WIPF2: variants seen among roughly 807,000 people sequenced by gnomAD.
WIPF2 encodes the protein WAS/WASL-interacting protein family member 2.
A neutral mutation model predicts 38.8 loss-of-function variants in WIPF2; 23 were observed. The ratio of observed to expected loss-of-function variants is 0.59; its 90% CI spans 0.43 to 0.84. WIPF2 has a LOEUF of 0.84. WIPF2 is among the 40% of genes least tolerant of loss of function. The pLI, the probability that WIPF2 is intolerant of heterozygous loss-of-function variation, is 0.00. For missense variants in WIPF2, 574 were observed against 580.5 expected (o/e 0.99, Z 0.11); for synonymous variants, 210 against 223.2 (o/e 0.94, Z 0.53).
chr17:40,246,141 C>T (rs542870660), intron 1 of WIPF2, among the ~76,000 whole-genome samples: 3 of 149,454 alleles, frequency 2.0e-5, no homozygotes, highest in African/African-American at 7.4e-5. Context: ...GGCTGGAGTG[C>T]AGTGGCGTGA....
intron 1 of WIPF2, 72 bp downstream of exon 1, chr17:40,219,564 C>A (rs897060447): frequency 1.5e-5 from 1 of 64,910 alleles, no homozygotes; most frequent in African/African-American, 5.9e-5. Context: ...GGGAAAGTCG[C>A]GGGGAGGGGG....
intron 1 of WIPF2, among the ~76,000 whole-genome samples, chr17:40,243,906 T>G (rs1290812906): frequency 6.6e-6 from 1 of 152,172 alleles, no homozygotes; most frequent in African/African-American, 2.4e-5. Flanking sequence ...ATAGTTGAAT[T>G]TCTGTGATGA....
intron 2 of WIPF2, among the ~76,000 whole-genome samples, chr17:40,258,361 A>G (rs2031795349): frequency 6.6e-6 from 1 of 152,018 alleles, no homozygotes; most frequent in South Asian, 2.1e-4. Flanking sequence ...TGGGAGGCCG[A>G]GGCGGGCAGA....
At chr17:40,223,673 C>T (rs1308581731) in intron 1 of WIPF2, among the ~76,000 whole-genome samples, 1 of 146,160 alleles carries the variant, frequency 6.8e-6, no homozygotes, top group African/African-American at 2.5e-5. Context: ...GATCTCTGCT[C>T]ACTGCAACCT....
chr17:40,254,566 A>G (rs1379836254), intron 1 of WIPF2, among the ~76,000 whole-genome samples: 1 of 152,122 alleles, frequency 6.6e-6, no homozygotes, highest in African/African-American at 2.4e-5. Context: ...CTTGCAGACT[A>G]TAATAGAGGG....
At chr17:40,231,193 TAAGAG>T in intron 1 of WIPF2, among the ~76,000 whole-genome samples, 1 of 152,292 alleles carries the variant, frequency 6.6e-6, no homozygotes, top group Non-Finnish European at 1.5e-5. Context: ...TATTAGAATG[TAAGAG>T]AAGAGACTCC....
intron 1 of WIPF2, among the ~76,000 whole-genome samples, chr17:40,236,462 C>T (rs925831186): frequency 1.3e-5 from 2 of 151,366 alleles, no homozygotes; most frequent in Admixed American, 6.6e-5. Context: ...CTCAGCCTCC[C>T]GAGTAGCTGG....
At chr17:40,225,685 A>ATC (rs1238322384) in intron 1 of WIPF2, among the ~76,000 whole-genome samples, 1 of 151,830 alleles carries the variant, frequency 6.6e-6, no homozygotes, top group Non-Finnish European at 1.5e-5. Flanking sequence ...TTGAGACAGG[A>ATC]TCTCTCTCTC....
chr17:40,253,869 T>C (rs1038049339), intron 1 of WIPF2, among the ~76,000 whole-genome samples: 2 of 152,214 alleles, frequency 1.3e-5, no homozygotes, highest in African/African-American at 2.4e-5. Flanking sequence ...TTTGGTTTTA[T>C]AGAACTGTTG....
rs774875261 is a variant in WIPF2 at position 40,222,507 on chromosome 17, T to TCAA, written c.-70+3037_-70+3039dup. 4.4e-4 allele frequency among the ~76,000 whole-genome samples: 66 copies of TCAA among 149,498 alleles called. 1 individual carries two copies. Among genetic ancestry groups the TCAA allele is most frequent in the South Asian group, 1.1e-3 (5 of 4,650 alleles). On this transcript the variant is annotated intron_variant, in intron 1 of 7. Coordinates refer to ENST00000323571, the MANE Select transcript of WIPF2 (RefSeq NM_133264.5). ...TGGGCAACAAGAGCGAAACTCCACC[T>TCAA]CAACAACAACAACAACAACAACAAA...
intron 5 of WIPF2, 110 bp from the exon 6 acceptor site, chr17:40,273,680 C>A: frequency 1.5e-6 from 1 of 685,840 alleles, no homozygotes; most frequent in Non-Finnish European, 2.6e-6. Context: ...GGGAACCAGG[C>A]ACTGTGAGCC....
chr17:40,248,229 A>G (rs1162069585), intron 1 of WIPF2, among the ~76,000 whole-genome samples: 2 of 134,180 alleles, frequency 1.5e-5, no homozygotes, highest in Non-Finnish European at 3.0e-5. Context: ...CTGTTGCACA[A>G]TCTTGGCTCA....
In WIPF2 at chr17:40,264,888, A is replaced by T. The variant is rs1333753605; in HGVS notation, c.712A>T (p.Asn238Tyr). 1.2e-6 allele frequency: 2 copies of T among 1,614,150 alleles called. No individual in the cohort carries two copies. The highest frequency in any genetic ancestry group is 1.7e-6 in the Non-Finnish European group (2 of 1,180,022). The change falls in exon 5 of 8, where the codon AAT becomes TAT. Residue 238 changes from asparagine (N) to tyrosine (Y), a missense_variant. Coordinates refer to ENST00000323571, the MANE Select transcript of WIPF2 (RefSeq NM_133264.5). ...AGTCAAACCACCTCCTTCCCCTGTG[A>T]ATATCAGAACAGGACCAAGTGGCCA... ...PPVKPPPSPV[N>Y]IRTGPSGQSL...
At chr17:40,245,774 G>A (rs1348681331) in intron 1 of WIPF2, among the ~76,000 whole-genome samples, 1 of 152,074 alleles carries the variant, frequency 6.6e-6, no homozygotes, top group African/African-American at 2.4e-5. Context: ...CAATGACATT[G>A]TCAATGACTC....
intron 1 of WIPF2, among the ~76,000 whole-genome samples, chr17:40,235,989 T>C (rs1000953604): frequency 2.0e-5 from 3 of 151,568 alleles, no homozygotes; most frequent in Non-Finnish European, 4.4e-5. Flanking sequence ...GATGGAGTCT[T>C]GCTCTGTCAC....
At chr17:40,250,232 T>G (rs1237090228) in intron 1 of WIPF2, among the ~76,000 whole-genome samples, 1 of 117,392 alleles carries the variant, frequency 8.5e-6, no homozygotes, top group East Asian at 2.6e-4. Flanking sequence ...TTTTTTTTTT[T>G]TTTTTTTTTT....
At chr17:40,258,938 A>G (rs1449416338) in intron 2 of WIPF2, among the ~76,000 whole-genome samples, 3 of 148,862 alleles carry the variant, frequency 2.0e-5, no homozygotes, top group Non-Finnish European at 3.0e-5. Flanking sequence ...ATGACACTGC[A>G]TATAGCTAAT....
chr17:40,278,036 A>T, intron 7 of WIPF2, 149 bp from the exon 8 acceptor site: 1 of 1,005,390 alleles, frequency 9.9e-7, no homozygotes, highest in Non-Finnish European at 1.5e-6. Flanking sequence ...ACTCATCTTC[A>T]TTTTCTTAGG....
intron 1 of WIPF2, among the ~76,000 whole-genome samples, chr17:40,233,139 T>G (rs2030820281): frequency 6.6e-6 from 1 of 152,210 alleles, no homozygotes; most frequent in Non-Finnish European, 1.5e-5. Context: ...AAGATACTGA[T>G]TCTAGAGTTG....
Sources: allele counts gnomAD v4.1 joint callset (sites outside exome capture counted in the v4.1 genomes callset), GRCh38; gene constraint gnomAD v4.1.1; transcripts MANE v1.5; gene names NCBI Gene and HGNC (gene_info 2026-07-23, HGNC 2026-07-21).